Variants in CAMKMT observed in about 807,000 individuals in gnomAD.
CAMKMT encodes the protein calmodulin-lysine N-methyltransferase.
In CAMKMT, 53 loss-of-function variants were observed where a neutral mutation model predicts 48.0. That is an observed-to-expected ratio of 1.10 (90% CI 0.89 to 1.39). The LOEUF (loss-of-function observed/expected upper bound fraction) is 1.39, where lower values mean the gene tolerates loss of function less well. Ranked by LOEUF, CAMKMT falls within the 40% of genes most tolerant of loss-of-function variation. CAMKMT has a pLI of 0.00. For synonymous variants in CAMKMT, 165 were observed against 152.3 expected, an observed-to-expected ratio of 1.08 and a Z score of -0.61; for missense variants, 428 against 402.7, an observed-to-expected ratio of 1.06 and a Z score of -0.54.
rs550864822 is a variant in CAMKMT at position 44,688,734 on chromosome 2, A to T, written c.377-15549A>T. On this transcript the variant is annotated intron_variant, in intron 3 of 10. Transcript: ENST00000378494. ...CTTCCCCCTTCCCCACACAGAAATG[A>T]TTCTTTCCTCAAGACCTAAGAGAGG... is the stretch of plus-strand genomic sequence containing the variant. Among the ~76,000 whole-genome samples the T allele has an allele frequency of 3.7e-4, 56 of 152,244 alleles. 1 individual carries two copies. In the South Asian group the frequency reaches 0.011, roughly 30 times the overall value.
At chr2:44,634,944 C>T (rs1673038822) in intron 3 of CAMKMT, among the ~76,000 whole-genome samples, 1 of 152,162 alleles carries the variant, frequency 6.6e-6, no homozygotes, top group African/African-American at 2.4e-5. Flanking sequence ...TGCAGTGGCT[C>T]ATGCCTGTAA....
At chr2:44,507,791 C>T (rs995765086) in intron 3 of CAMKMT, among the ~76,000 whole-genome samples, 5 of 152,098 alleles carry the variant, frequency 3.3e-5, no homozygotes, top group African/African-American at 1.2e-4. Context: ...AGAATTAAAT[C>T]AACTTACTGC....
At chr2:44,539,628 T>G (rs1040906651) in intron 3 of CAMKMT, among the ~76,000 whole-genome samples, 1 of 152,158 alleles carries the variant, frequency 6.6e-6, no homozygotes, top group Non-Finnish European at 1.5e-5. Context: ...TTGCTTGTTG[T>G]GTCTATTTAC....
chr2:44,642,137 A>G (rs774270092), intron 3 of CAMKMT, among the ~76,000 whole-genome samples: 2 of 152,236 alleles, frequency 1.3e-5, no homozygotes, highest in Non-Finnish European at 2.9e-5. Flanking sequence ...TCTGCCTCCT[A>G]TATAAAAATA....
intron 7 of CAMKMT, among the ~76,000 whole-genome samples, chr2:44,735,695 A>G (rs1376102286): frequency 2.0e-5 from 3 of 151,826 alleles, no homozygotes; most frequent in Non-Finnish European, 2.9e-5. Context: ...TAAGGCCAAG[A>G]GTTTGAAACC....
At chr2:44,522,524 A>G (rs891997079) in intron 3 of CAMKMT, among the ~76,000 whole-genome samples, 1 of 152,178 alleles carries the variant, frequency 6.6e-6, no homozygotes, top group African/African-American at 2.4e-5. Context: ...GAGGTCTTCT[A>G]CACATAGCCT....
chr2:44,538,383 AAAG>A (rs1174345674), intron 3 of CAMKMT, among the ~76,000 whole-genome samples: 1 of 151,368 alleles, frequency 6.6e-6, no homozygotes, highest in Non-Finnish European at 1.5e-5. Flanking sequence ...CAAAAAAAAA[AAAG>A]AAAAGAAAAG....
At chr2:44,568,169 C>G (rs115295142) in intron 3 of CAMKMT, among the ~76,000 whole-genome samples, 1,789 of 152,192 alleles carry the variant, frequency 0.012, 44 homozygotes, top group African/African-American at 0.041. Context: ...GTGTTCTAAA[C>G]AATGGGAAGA....
At chr2:44,736,543 G>A (rs1679364816) in intron 7 of CAMKMT, among the ~76,000 whole-genome samples, 1 of 152,066 alleles carries the variant, frequency 6.6e-6, no homozygotes. Flanking sequence ...TTCTTGCTGA[G>A]TTAACAGTTT....
At chr2:44,736,920 T>C (rs1679386517) in intron 7 of CAMKMT, among the ~76,000 whole-genome samples, 1 of 152,192 alleles carries the variant, frequency 6.6e-6, no homozygotes, top group Non-Finnish European at 1.5e-5. Context: ...ATGATAACTA[T>C]TGTAATGCCC....
chr2:44,520,204 G>A (rs1196294185), intron 3 of CAMKMT, among the ~76,000 whole-genome samples: 4 of 152,042 alleles, frequency 2.6e-5, no homozygotes, highest in Non-Finnish European at 4.4e-5. Context: ...GGGCGACAGA[G>A]CGAGACTCTG....
intron 7 of CAMKMT, among the ~76,000 whole-genome samples, chr2:44,723,303 A>T (rs997072993): frequency 6.6e-6 from 1 of 152,080 alleles, no homozygotes; most frequent in South Asian, 2.1e-4. Flanking sequence ...AAATTGTTCA[A>T]ATTTTCTTGC....
At chr2:44,749,054 G>T (rs541198752) in intron 8 of CAMKMT, among the ~76,000 whole-genome samples, 12 of 152,276 alleles carry the variant, frequency 7.9e-5, no homozygotes, top group African/African-American at 2.9e-4. Context: ...GTCTTTCCAT[G>T]GGTAATAATC....
At position 44,481,925 on chromosome 2, in the gene CAMKMT, C is replaced by T. The variant is rs186194818; in HGVS notation, c.376+91620C>T. On this transcript the variant is annotated intron_variant, in intron 3 of 10. Coordinates refer to ENST00000378494, the MANE Select transcript of CAMKMT (RefSeq NM_024766.5). ...AACCCGGGTTTTAGAAATTTCAATT[C>T]CTTGTAATTAAAAATTCTGTTGATC... Among the ~76,000 whole-genome samples, 435 of 151,948 alleles carry T rather than the reference C, an allele frequency of 2.9e-3. 3 individuals are homozygous for T. Among genetic ancestry groups the T allele is most frequent in the African/African-American group, 9.8e-3 (406 of 41,492 alleles).
chr2:44,575,523 C>G (rs1373918279), intron 3 of CAMKMT, among the ~76,000 whole-genome samples: 1 of 152,162 alleles, frequency 6.6e-6, no homozygotes, highest in Non-Finnish European at 1.5e-5. Flanking sequence ...CTTTACCAAA[C>G]ATGACACCCT....
At chr2:44,520,661 C>T (rs1204590980) in intron 3 of CAMKMT, among the ~76,000 whole-genome samples, 1 of 152,086 alleles carries the variant, frequency 6.6e-6, no homozygotes, top group Non-Finnish European at 1.5e-5. Flanking sequence ...GTTGTATTAT[C>T]CTGAATTATG....
At chr2:44,579,894 C>G (rs891295571) in intron 3 of CAMKMT, among the ~76,000 whole-genome samples, 1 of 87,290 alleles carries the variant, frequency 1.1e-5, no homozygotes, top group East Asian at 2.2e-4. Context: ...TCCAAAGTGA[C>G]TGCCATTTCT....
intron 3 of CAMKMT, among the ~76,000 whole-genome samples, chr2:44,515,970 A>T (rs1670812566): frequency 6.6e-6 from 1 of 152,224 alleles, no homozygotes; most frequent in Admixed American, 6.5e-5. Context: ...GTCACGGAGA[A>T]GCAATTTTCT....
intron 3 of CAMKMT, among the ~76,000 whole-genome samples, chr2:44,680,306 C>T (rs1019631322): frequency 3.9e-5 from 6 of 152,112 alleles, no homozygotes; most frequent in Non-Finnish European, 8.8e-5. Flanking sequence ...ATTATTTTCC[C>T]TTTTCATGGG....
Sources: gnomAD v4.1 joint callset for allele counts (sites outside exome capture counted in the v4.1 genomes callset) on GRCh38, gnomAD v4.1.1 for gene constraint, MANE v1.5 for transcripts, NCBI Gene and HGNC (gene_info 2026-07-23, HGNC 2026-07-21) for gene names.